ZNF749: variants seen among roughly 807,000 people sequenced by gnomAD.
ZNF749 encodes zinc finger protein 749.
In ZNF749, 8 loss-of-function variants were observed where a neutral mutation model predicts 7.3. The ratio of observed to expected loss-of-function variants is 1.10; its 90% CI spans 0.64 to 1.98. The LOEUF (loss-of-function observed/expected upper bound fraction) is 1.98. Among genes scored for constraint, ZNF749 ranks in the 30% most tolerant of loss-of-function variants. The pLI is 0.00. For missense variants in ZNF749, 898 were observed against 932.4 expected (o/e 0.96, Z 0.48); for synonymous variants, 310 against 322.4 (o/e 0.96, Z 0.41).
chr19:57,435,327 TTC>T lies in ZNF749; in HGVS notation c.-250_-249del. 1.7e-6 allele frequency: 1 copy of T among 605,612 alleles called. No individual in the cohort carries two copies. Among genetic ancestry groups the T allele is most frequent in the Non-Finnish European group, 2.9e-6 (1 of 341,464 alleles). 37.5% of individuals were successfully genotyped at this position (605,612 alleles called of 1,614,324 possible). On this transcript the variant is annotated 5_prime_UTR_variant, in exon 1 of 3. Coordinates refer to ENST00000334181, the MANE Select transcript of ZNF749 (RefSeq NM_001023561.4). ...GAGGTCTCAATTGTGTGGGCGGGAC[TTC>T]TGGCGGCGCCCTCATGGTTGCGTTA...
rs1301771421 is a variant in ZNF749 at position 57,445,906 on chromosome 19, G to C, written c.*421G>C. ...GATTGTTCCATTGCACTCCAGCCTG[G>C]GTGACAGGGCGAGACTCTGTCTCAA... is the stretch of plus-strand genomic sequence containing the variant. On this transcript the variant is annotated 3_prime_UTR_variant, in exon 3 of 3. Coordinates refer to ENST00000334181, the MANE Select transcript of ZNF749 (RefSeq NM_001023561.4). Among the ~76,000 whole-genome samples, 1 of 152,144 alleles carries C rather than the reference G, an allele frequency of 6.6e-6. No individual in the cohort carries two copies. The highest frequency in any genetic ancestry group is 1.5e-5 in the Non-Finnish European group (1 of 68,026).
Position 57,442,027 on chromosome 19 carries a change from C to G in ZNF749, c.142+16C>G. The G allele has an allele frequency of 6.2e-7, 1 of 1,612,694 alleles. No individual in the cohort carries two copies. The highest frequency in any genetic ancestry group is 8.5e-7 in the Non-Finnish European group (1 of 1,179,382). On this transcript the variant is annotated intron_variant, in intron 2 of 2. Transcript: ENST00000334181. The surrounding 1 kb of genome is among the most constrained non-coding windows in gnomAD (Gnocchi z 6.6). ...TCATCAGTAGGTAAGGCCTTCATAC[C>G]TACTCTGGTGTCTTGTGCTGGGTGC...
At chr19:57,443,143 A>G (rs1377522687) in intron 2 of ZNF749, 148 bp from the exon 3 acceptor site, 2 of 672,640 alleles carry the variant, frequency 3.0e-6, no homozygotes, top group African/African-American at 1.8e-5. Flanking sequence ...ACCTCTGAAC[A>G]CTGGGCCTTC....
In ZNF749 at chr19:57,443,772, A is replaced by G. The variant is rs769785099; in HGVS notation, c.624A>G (p.Gln208=). ...SSQGGKDFCH[Q]HGLFEHQKTH... is the part of the protein sequence containing the mutation. ...AAGGTGGGAAAGACTTTTGCCACCA[A>G]CATGGGCTGTTTGAGCACCAAAAAA... The change falls in exon 3 of 3, where the codon CAA becomes CAG. Residue 208 remains glutamine, a synonymous_variant. Coordinates refer to ENST00000334181, the MANE Select transcript of ZNF749 (RefSeq NM_001023561.4). The G allele has an allele frequency of 5.0e-6, 8 of 1,614,230 alleles. No individual in the cohort carries two copies. The Admixed American group carries it at 6.7e-5, about 13-fold the overall frequency.
chr19:57,432,640 A>C (rs1350025958), upstream of ZNF749, among the ~76,000 whole-genome samples: 1 of 150,934 alleles, frequency 6.6e-6, no homozygotes, highest in Non-Finnish European at 1.5e-5. Context: ...CAAAGACAGT[A>C]GTGTTCAAAC....
In ZNF749 at chr19:57,443,558, G is replaced by A; in HGVS notation, c.410G>A (p.Arg137Lys). 1.2e-6 allele frequency: 2 copies of A among 1,614,228 alleles called. No individual in the cohort carries two copies. The highest frequency in any genetic ancestry group is 1.7e-6 in the Non-Finnish European group (2 of 1,180,034). Reference protein sequence around the residue: ...REKLTRSDEWRPSFVNHSAHV... With the variant: ...REKLTRSDEWKPSFVNHSAHV... ...AAGCTCACCAGAAGTGATGAGTGGA[G>A]GCCTTCATTTGTGAACCACAGTGCT... The change falls in exon 3 of 3, where the codon AGG becomes AAG. Residue 137 changes from arginine to lysine, a missense_variant. By Grantham distance (26) the Arg-to-Lys change is conservative. Coordinates refer to ENST00000334181, the MANE Select transcript of ZNF749 (RefSeq NM_001023561.4).
upstream of ZNF749, among the ~76,000 whole-genome samples, chr19:57,433,618 CTTTTTTTTTTT>C (rs1173115391): frequency 9.5e-5 from 13 of 136,260 alleles, no homozygotes; most frequent in South Asian, 3.1e-3. Context: ...TTAATTTTTC[CTTTTTTTTTTT>C]TTTTTAAACT....
intron 1 of ZNF749, among the ~76,000 whole-genome samples, chr19:57,441,536 A>C (rs1186164742): frequency 6.6e-6 from 1 of 152,000 alleles, no homozygotes; most frequent in Non-Finnish European, 1.5e-5. Flanking sequence ...GGCATGACTG[A>C]AGGGAAAGCA....
chr19:57,443,507 T>C lies in ZNF749; in HGVS notation c.359T>C (p.Leu120Pro). The change falls in exon 3 of 3, where the codon CTG (leucine) becomes CCG (proline). Residue 120 changes from leucine to proline, a missense_variant. By Grantham distance (98) the Leu-to-Pro change is moderately conservative (BLOSUM62 -3). Transcript: ENST00000334181. ...GLYTCAAEHD[L>P]HQKEQIREKL... ...TACACATGTGCAGCAGAGCATGACC[T>C]GCACCAAAAGGAGCAGATTAGAGAG... 1.2e-6 allele frequency: 2 copies of C among 1,614,198 alleles called. No individual in the cohort carries two copies. The highest frequency in any genetic ancestry group is 1.7e-6 in the Non-Finnish European group (2 of 1,179,992).
chr19:57,441,792 C>T (rs1474630554), intron 1 of ZNF749, 93 bp from the exon 2 acceptor site: 8 of 1,520,206 alleles, frequency 5.3e-6, no homozygotes, highest in South Asian at 3.5e-5. Context: ...TAGTTTGGCC[C>T]TCCAATTCTT....
rs2088963162 is a variant in ZNF749 at position 57,439,095 on chromosome 19, T to C, written c.16-2790T>C. 6.6e-6 allele frequency among the ~76,000 whole-genome samples: 1 copy of C among 151,932 alleles called. No homozygotes were observed. The highest frequency in any genetic ancestry group is 2.4e-5 in the African/African-American group (1 of 41,366). On this transcript the variant is annotated intron_variant, in intron 1 of 2. Transcript: ENST00000334181. This position sits in a 1 kb window ranked among gnomAD's most constrained non-coding sequence, Gnocchi z 4.3. ...GGTTTGAGGAGGGGGGAAAAAGAGG[T>C]GACCTGACCCAGGTTTTAGTGGCTC... is the stretch of plus-strand genomic sequence containing the variant.
At chr19:57,437,197 A>T (rs943314226) in intron 1 of ZNF749, among the ~76,000 whole-genome samples, 1 of 152,126 alleles carries the variant, frequency 6.6e-6, no homozygotes, top group Non-Finnish European at 1.5e-5. Flanking sequence ...TGTGACTGAC[A>T]TCTCATATAT....
rs1298179403 is a variant in ZNF749, at chr19:57,446,900, G to A, written c.*1415G>A. 6.6e-6 allele frequency among the ~76,000 whole-genome samples: 1 copy of A among 152,166 alleles called. No homozygotes were observed. The highest frequency in any genetic ancestry group is 6.5e-5 in the Admixed American group (1 of 15,280). On this transcript the variant is annotated 3_prime_UTR_variant, in exon 3 of 3. Transcript: ENST00000334181. ...TCCAAAAGGTACTGTAAAAATGTAT[G>A]AAAAATGGTAAAAACTTTATAGGGC...
At position 57,439,234 on chromosome 19, in the gene ZNF749, C is replaced by T. The variant is rs185129091; in HGVS notation, c.16-2651C>T. On this transcript the variant is annotated intron_variant, in intron 1 of 2. Coordinates refer to ENST00000334181, the MANE Select transcript of ZNF749 (RefSeq NM_001023561.4). This position sits in a 1 kb window ranked among gnomAD's most constrained non-coding sequence, Gnocchi z 4.3. ...GTTGTTGGTGACTGAACGAGAGTGGCGGTGGTGGAAGTGGGAGGAGTGGGG... is the reference window on the plus strand; with the variant it reads ...GTTGTTGGTGACTGAACGAGAGTGGTGGTGGTGGAAGTGGGAGGAGTGGGG... Among the ~76,000 whole-genome samples, 47 of 151,734 alleles carry T rather than the reference C, an allele frequency of 3.1e-4. No individual in the cohort carries two copies. The East Asian group carries it at 7.0e-3, about 23-fold the overall frequency.
rs111940422 is a variant in ZNF749 at position 57,435,996 on chromosome 19, G to T, written c.15+403G>T. Reference sequence around the variant, plus strand: ...TGAACGGGGGCAGGGGGACCGCTGAGGAGACCCCTTGAGTTATGGTAGGGC... The same window carrying T: ...TGAACGGGGGCAGGGGGACCGCTGATGAGACCCCTTGAGTTATGGTAGGGC... On this transcript the variant is annotated intron_variant, in intron 1 of 2. Transcript: ENST00000334181. Among the ~76,000 whole-genome samples the T allele has an allele frequency of 5.4e-3, 826 of 152,302 alleles. 5 individuals carry two copies. Among genetic ancestry groups the T allele is most frequent in the African/African-American group, 0.019 (770 of 41,564 alleles).
upstream of ZNF749, among the ~76,000 whole-genome samples, chr19:57,433,831 G>C (rs1049641777): frequency 3.9e-5 from 6 of 151,962 alleles, no homozygotes; most frequent in African/African-American, 1.4e-4. Flanking sequence ...GCCACCACCT[G>C]ATGGCAATAC....
At position 57,443,587 on chromosome 19, in the gene ZNF749, G is replaced by A. The variant is rs146631801; in HGVS notation, c.439G>A (p.Val147Met). The A allele has an allele frequency of 9.9e-5, 160 of 1,614,272 alleles. No individual in the cohort carries two copies. The highest frequency in any genetic ancestry group is 2.8e-4 in the African/African-American group (21 of 75,070). Residue 147 changes from valine (V) to methionine (M), a missense_variant, in exon 3 of 3, where the codon GTG (valine) becomes ATG (methionine). Transcript: ENST00000334181. Reference sequence around the variant, plus strand: ...TTCATTTGTGAACCACAGTGCTCACGTGGGAGAGAGGAACTTCACATGCAC... The same window carrying A: ...TTCATTTGTGAACCACAGTGCTCACATGGGAGAGAGGAACTTCACATGCAC... The part of the protein sequence containing the change: ...RPSFVNHSAH[V>M]GERNFTCTQG...
upstream of ZNF749, among the ~76,000 whole-genome samples, chr19:57,434,783 C>T (rs1199673274): frequency 2.0e-5 from 3 of 152,142 alleles, no homozygotes; most frequent in Non-Finnish European, 4.4e-5. Context: ...CTGTGTGGGT[C>T]TTTTCTTTCT....
rs112149657 is a variant in ZNF749, at chr19:57,446,447, C to T, written c.*962C>T. ...CTACTCCTCTTCCTCATTCCCTACG[C>T]CAACCAGCCCCTGACAATACTACTG... is the stretch of plus-strand genomic sequence containing the variant. On this transcript the variant is annotated 3_prime_UTR_variant, in exon 3 of 3. Coordinates refer to ENST00000334181, the MANE Select transcript of ZNF749 (RefSeq NM_001023561.4). Among the ~76,000 whole-genome samples, 301 of 152,306 alleles carry T rather than the reference C, an allele frequency of 2.0e-3. No individual in the cohort carries two copies. The highest frequency in any genetic ancestry group is 2.8e-3 in the Admixed American group (43 of 15,300).
Sources: gnomAD v4.1 joint callset for allele counts (sites outside exome capture counted in the v4.1 genomes callset) on GRCh38, gnomAD v4.1.1 for gene constraint, Gnocchi (gnomAD v3.1) non-coding constraint, MANE v1.5 for transcripts, NCBI Gene and HGNC (gene_info 2026-07-23, HGNC 2026-07-21) for gene names.